Variants in CACNG2 observed in about 807,000 individuals in gnomAD.
CACNG2 encodes voltage-dependent calcium channel gamma-2 subunit.
A neutral mutation model predicts 25.9 loss-of-function variants in CACNG2; 3 were observed. The ratio of observed to expected loss-of-function variants is 0.12; its 90% CI spans 0.05 to 0.30. The LOEUF is 0.30. Ranked by LOEUF, CACNG2 falls within the 10% of genes least tolerant of loss-of-function variation. The pLI is 1.00. For missense variants in CACNG2, 341 were observed against 432.5 expected, an observed-to-expected ratio of 0.79 and a Z score of 1.88; for synonymous variants, 167 against 173.3, an observed-to-expected ratio of 0.96 and a Z score of 0.29.
In CACNG2 at chr22:36,563,568, G is replaced by A. The variant is rs1274880897; in HGVS notation, c.*783C>T. Reference sequence around the variant, plus strand: ...GGACTGGGAACCTGGGGCCAGGCAAGCCCCAAGTGTACCCCCCTCCAGGCA... The same window carrying A: ...GGACTGGGAACCTGGGGCCAGGCAAACCCCAAGTGTACCCCCCTCCAGGCA... On this transcript the variant is annotated 3_prime_UTR_variant, in exon 4 of 4. Coordinates refer to ENST00000300105, the MANE Select transcript of CACNG2 (RefSeq NM_006078.5). Among the ~76,000 whole-genome samples, 2 of 152,138 alleles carry A rather than the reference G, an allele frequency of 1.3e-5. No individual in the cohort carries two copies. The highest frequency in any genetic ancestry group is 2.9e-5 in the Non-Finnish European group (2 of 67,992).
chr22:36,572,822 G>A (rs996496097), intron 2 of CACNG2, among the ~76,000 whole-genome samples: 2 of 152,184 alleles, frequency 1.3e-5, no homozygotes, highest in East Asian at 1.9e-4. Context: ...AAAAGGCCAC[G>A]TGGTCCAGAG....
chr22:36,644,863 T>C (rs1023607191), intron 1 of CACNG2, among the ~76,000 whole-genome samples: 1 of 152,316 alleles, frequency 6.6e-6, no homozygotes, highest in South Asian at 2.1e-4. Context: ...CAAAATTTCT[T>C]GGTAATGGGG....
chr22:36,630,561 G>C (rs955681308), intron 1 of CACNG2, among the ~76,000 whole-genome samples: 4 of 152,120 alleles, frequency 2.6e-5, no homozygotes, highest in African/African-American at 9.7e-5. Context: ...GGCTGGAGGG[G>C]AAGGTAGAGG....
chr22:36,592,718 C>T, intron 1 of CACNG2, among the ~76,000 whole-genome samples: 1 of 151,746 alleles, frequency 6.6e-6, no homozygotes, highest in East Asian at 1.9e-4. Context: ...CTGGACCATG[C>T]TTTGACACAG....
chr22:36,653,475 C>CGG (rs1162757802), intron 1 of CACNG2, among the ~76,000 whole-genome samples: 1 of 152,196 alleles, frequency 6.6e-6, no homozygotes, highest in Non-Finnish European at 1.5e-5. Flanking sequence ...TGGAGCTGAC[C>CGG]GGGGGCTGCC....
chr22:36,688,610 C>T (rs573288628), intron 1 of CACNG2, among the ~76,000 whole-genome samples: 4 of 151,174 alleles, frequency 2.6e-5, no homozygotes, highest in African/African-American at 7.3e-5. Context: ...GAACTAGTGG[C>T]TTTCCCAGAT....
intron 2 of CACNG2, among the ~76,000 whole-genome samples, chr22:36,570,189 G>A (rs1334352260): frequency 1.3e-5 from 2 of 152,218 alleles, no homozygotes; most frequent in African/African-American, 2.4e-5. Context: ...AGGGAGCGTC[G>A]GCTGCGGAGG....
At position 36,699,432 on chromosome 22, in the gene CACNG2, AT is replaced by A. The variant is rs111601480; in HGVS notation, c.211+2933del. On this transcript the variant is annotated intron_variant, in intron 1 of 3. Coordinates refer to ENST00000300105, the MANE Select transcript of CACNG2 (RefSeq NM_006078.5). ...CAAAAGCAGCCTTAGAGGCAAGGAC[AT>A]TTTTTTTTTCTATTCTTATTTTCAT... Among the ~76,000 whole-genome samples, 268 of 149,442 alleles carry A rather than the reference AT, an allele frequency of 1.8e-3. 3 individuals carry two copies. The highest frequency in any genetic ancestry group is 5.3e-3 in the African/African-American group (214 of 40,704).
At chr22:36,641,493 C>T (rs1369595458) in intron 1 of CACNG2, among the ~76,000 whole-genome samples, 1 of 152,076 alleles carries the variant, frequency 6.6e-6, no homozygotes, top group Non-Finnish European at 1.5e-5. Context: ...ACACAAATAC[C>T]CTTGGGAGGG....
intron 1 of CACNG2, among the ~76,000 whole-genome samples, chr22:36,624,074 G>A (rs1936147613): frequency 1.3e-5 from 2 of 152,172 alleles, no homozygotes; most frequent in Non-Finnish European, 2.9e-5. Flanking sequence ...TACAGCCTTA[G>A]GGATCCCAAG....
chr22:36,626,594 T>C (rs1252231102), intron 1 of CACNG2, among the ~76,000 whole-genome samples: 1 of 152,224 alleles, frequency 6.6e-6, no homozygotes, highest in South Asian at 2.1e-4. Context: ...ATGAGATCTT[T>C]GTGGATTTCC....
At chr22:36,615,231 A>G (rs746909296) in intron 1 of CACNG2, among the ~76,000 whole-genome samples, 17 of 152,234 alleles carry the variant, frequency 1.1e-4, no homozygotes, top group Non-Finnish European at 2.2e-4. Flanking sequence ...GTGTGTGTAC[A>G]AGGTTTGTAG....
intron 1 of CACNG2, among the ~76,000 whole-genome samples, chr22:36,694,298 G>A (rs2284013): frequency 0.31 from 46,540 of 151,998 alleles, 7,288 homozygotes; most frequent in African/African-American, 0.37. Flanking sequence ...GCTGTTTTTG[G>A]TAGACAGGTC....
At chr22:36,645,002 T>C (rs1569039136) in intron 1 of CACNG2, among the ~76,000 whole-genome samples, 1 of 152,222 alleles carries the variant, frequency 6.6e-6, no homozygotes. Context: ...CAAATTCACA[T>C]AACAAGACCA....
At chr22:36,685,984 G>A (rs1205479678) in intron 1 of CACNG2, among the ~76,000 whole-genome samples, 3 of 152,216 alleles carry the variant, frequency 2.0e-5, no homozygotes, top group Non-Finnish European at 2.9e-5. Context: ...GCCGGTCACA[G>A]AGGTAAATGT....
intron 1 of CACNG2, among the ~76,000 whole-genome samples, chr22:36,690,181 C>T (rs770662316): frequency 3.9e-5 from 6 of 152,134 alleles, no homozygotes; most frequent in African/African-American, 9.7e-5. Flanking sequence ...CTACAGAGGC[C>T]GGGAAACGGC....
chr22:36,613,855 T>C (rs925478750), intron 1 of CACNG2, among the ~76,000 whole-genome samples: 5 of 152,218 alleles, frequency 3.3e-5, no homozygotes, highest in African/African-American at 1.2e-4. Context: ...CTCCAGCCCA[T>C]TTCCCAAGCT....
chr22:36,642,919 T>C lies in CACNG2; in HGVS notation c.212-55371A>G, dbSNP rs139945226. 4.9e-3 allele frequency among the ~76,000 whole-genome samples: 749 copies of C among 152,308 alleles called. 8 individuals are homozygous for C. Among genetic ancestry groups the C allele is most frequent in the African/African-American group, 0.017 (714 of 41,570 alleles). The stretch of plus-strand genomic sequence containing the variant: ...GTGACAAGTAAGAAGGGGTGTCTAG[T>C]GATCTTTTCAAAGCAAGCCATGAAA... On this transcript the variant is annotated intron_variant, in intron 1 of 3. Coordinates refer to ENST00000300105, the MANE Select transcript of CACNG2 (RefSeq NM_006078.5).
intron 1 of CACNG2, among the ~76,000 whole-genome samples, chr22:36,678,842 A>G (rs1937049859): frequency 6.6e-6 from 1 of 152,094 alleles, no homozygotes; most frequent in African/African-American, 2.4e-5. Flanking sequence ...ATTCACAGGG[A>G]TTTGACCTAA....
Sources: allele counts gnomAD v4.1 joint callset (sites outside exome capture counted in the v4.1 genomes callset), GRCh38; gene constraint gnomAD v4.1.1; transcripts MANE v1.5; gene names NCBI Gene and HGNC (gene_info 2026-07-23, HGNC 2026-07-21).